The following TIMM17A variants were observed in gnomAD, a reference collection of about 807,000 sequenced individuals.
TIMM17A encodes mitochondrial import inner membrane translocase subunit Tim17-A.
A neutral mutation model predicts 26.5 loss-of-function variants in TIMM17A; 15 were observed. That is an observed-to-expected ratio of 0.57 (90% CI 0.38 to 0.87). TIMM17A has a LOEUF of 0.87. Ranked by LOEUF, TIMM17A falls within the 40% of genes least tolerant of loss-of-function variation. The pLI is 0.00. For missense variants in TIMM17A, 201 were observed against 210.0 expected, an observed-to-expected ratio of 0.96 and a Z score of 0.27; for synonymous variants, 80 against 70.8, an observed-to-expected ratio of 1.13 and a Z score of -0.66.
Position 201,963,698 on chromosome 1 carries a change from C to T in TIMM17A, c.273C>T (p.Asn91=), listed in dbSNP as rs749127111. 3.1e-6 allele frequency: 5 copies of T among 1,611,876 alleles called. No homozygotes were observed. In the African/African-American group the frequency reaches 4.0e-5, roughly 13 times the overall value. The change falls in exon 4 of 6, where the codon AAC becomes AAT. Residue 91 remains asparagine, a synonymous_variant. Coordinates refer to ENST00000367287, the MANE Select transcript of TIMM17A (RefSeq NM_006335.3). The stretch of plus-strand genomic sequence containing the variant: ...TCAGAGGAAAGGAAGATCCCTGGAA[C>T]TCCATCACAAGTGGTGCCTTAACGG... ...VQVRGKEDPW[N]SITSGALTGA... is the part of the protein sequence containing the mutation.
chr1:201,965,778 A>G (rs1395321031), intron 5 of TIMM17A, among the ~76,000 whole-genome samples: 2 of 152,226 alleles, frequency 1.3e-5, no homozygotes, highest in Admixed American at 1.3e-4. Context: ...ATCAGTGCTC[A>G]TGTCTTGCAA....
In TIMM17A at chr1:201,969,500, G is replaced by GCCTTCAACTCAGTTA; in HGVS notation, c.468_482dup (p.Thr157_Ser161dup). The GCCTTCAACTCAGTTA allele has an allele frequency of 6.2e-7, 1 of 1,613,890 alleles. No individual in the cohort carries two copies. Among genetic ancestry groups the GCCTTCAACTCAGTTA allele is most frequent in the Non-Finnish European group, 8.5e-7 (1 of 1,179,902 alleles). On this transcript the variant is annotated inframe_insertion, in exon 6 of 6. Transcript: ENST00000367287. ...AGTTTGCAGAAGACCCCTCCCAGTT[G>GCCTTCAACTCAGTTA]CCTTCAACTCAGTTACCTTCCTCAC...
chr1:201,965,951 G>C (rs1682617336), intron 5 of TIMM17A, among the ~76,000 whole-genome samples: 1 of 152,166 alleles, frequency 6.6e-6, no homozygotes, highest in South Asian at 2.1e-4. Context: ...TTCTGGTAGG[G>C]GGAGACAGAC....
At chr1:201,958,909 G>GTAA (rs1218282864) in intron 3 of TIMM17A, among the ~76,000 whole-genome samples, 1 of 152,148 alleles carries the variant, frequency 6.6e-6, no homozygotes, top group African/African-American at 2.4e-5. Context: ...GAGGGTTGAG[G>GTAA]TAATGTTGTA....
intron 3 of TIMM17A, among the ~76,000 whole-genome samples, chr1:201,961,494 T>C (rs1682528732): frequency 6.6e-6 from 1 of 152,180 alleles, no homozygotes; most frequent in Non-Finnish European, 1.5e-5. Context: ...GCCCTAGCTG[T>C]GGGCAGGGCA....
rs1682720367 is a variant in TIMM17A at position 201,970,654 on chromosome 1, CT to C, written c.*1102del. ...GTGGTAAAATATACATAAAATAATA[CT>C]TATTAACCATTTGTAAGTGTATAAT... On this transcript the variant is annotated 3_prime_UTR_variant, in exon 6 of 6. Coordinates refer to ENST00000367287, the MANE Select transcript of TIMM17A (RefSeq NM_006335.3). 6.6e-6 allele frequency: 1 copy of C among 152,182 alleles called. No individual in the cohort carries two copies. Among genetic ancestry groups the C allele is most frequent in the Admixed American group, 6.5e-5 (1 of 15,282 alleles). The allele number at this position is 152,182 out of a possible 1,614,324, so 9.4% of individuals were successfully genotyped here.
intron 5 of TIMM17A, among the ~76,000 whole-genome samples, chr1:201,966,825 G>C (rs1571607398): frequency 6.7e-6 from 1 of 149,322 alleles, no homozygotes; most frequent in African/African-American, 2.5e-5. Context: ...CTGGGCAACA[G>C]AGCAAGACTC....
chr1:201,965,351 A>G, intron 4 of TIMM17A, 82 bp from the exon 5 acceptor site: 16 of 987,378 alleles, frequency 1.6e-5, no homozygotes, highest in South Asian at 8.1e-5. Flanking sequence ...ATGTCACCAT[A>G]TGGACAGTTC....
At chr1:201,959,025 A>G (rs1258405352) in intron 3 of TIMM17A, among the ~76,000 whole-genome samples, 2 of 152,170 alleles carry the variant, frequency 1.3e-5, no homozygotes, top group Non-Finnish European at 2.9e-5. Flanking sequence ...TTCAAGAATG[A>G]TGAGTGGTAT....
chr1:201,962,010 G>A (rs1453319045), intron 3 of TIMM17A, among the ~76,000 whole-genome samples: 1 of 151,872 alleles, frequency 6.6e-6, no homozygotes, highest in African/African-American at 2.4e-5. Context: ...TCTGGCTCTG[G>A]ATCCTCACAC....
At chr1:201,962,815 T>C (rs1023723928) in intron 3 of TIMM17A, 1 of 152,234 alleles carries the variant, frequency 6.6e-6, no homozygotes, top group African/African-American at 2.4e-5. Context: ...ATGGATTGGC[T>C]TACACCTGTA....
chr1:201,956,247 CATAG>C (rs1336465956), intron 1 of TIMM17A, among the ~76,000 whole-genome samples: 1 of 152,142 alleles, frequency 6.6e-6, no homozygotes, highest in Non-Finnish European at 1.5e-5. Context: ...AAACCAGACA[CATAG>C]ATAATTATAA....
chr1:201,958,406 C>A (rs964613912), intron 3 of TIMM17A, among the ~76,000 whole-genome samples: 2 of 152,196 alleles, frequency 1.3e-5, no homozygotes, highest in Non-Finnish European at 2.9e-5. Flanking sequence ...TATTCACTTA[C>A]AAAGGTATAG....
intron 3 of TIMM17A, among the ~76,000 whole-genome samples, chr1:201,959,219 G>A (rs777062990): frequency 2.8e-4 from 42 of 152,204 alleles, no homozygotes; most frequent in Non-Finnish European, 4.9e-4. Flanking sequence ...AGCTGGGCCC[G>A]GTGGTGCATG....
rs752862246 is a variant in TIMM17A at position 201,965,300 on chromosome 1, G to A, written c.320-133G>A. ...TGGGTGGCTGTAGTTTACTGACTCTGGGTCTTAGGCAATAAGAAAGAGTTT... is the reference window on the plus strand; with the variant it reads ...TGGGTGGCTGTAGTTTACTGACTCTAGGTCTTAGGCAATAAGAAAGAGTTT... On this transcript the variant is annotated intron_variant, in intron 4 of 5. Transcript: ENST00000367287. 1.7e-5 allele frequency: 11 copies of A among 648,004 alleles called. No homozygotes were observed. In the South Asian group the frequency reaches 1.9e-4, roughly 11 times the overall value. 40.1% of individuals were successfully genotyped at this position (648,004 alleles called of 1,614,324 possible). A position where few individuals can be genotyped will look rare whatever the true frequency, so the allele number is the denominator to read the frequency against.
At chr1:201,961,624 GGA>G (rs1207586304) in intron 3 of TIMM17A, among the ~76,000 whole-genome samples, 1 of 152,130 alleles carries the variant, frequency 6.6e-6, no homozygotes, top group Non-Finnish European at 1.5e-5. Context: ...GGCCAAGGCA[GGA>G]GAATGGCTTG....
In TIMM17A at chr1:201,958,137, C is replaced by CA. The variant is rs796950075; in HGVS notation, c.190+574dup. The CA allele has an allele frequency of 9.9e-3, 1,410 of 142,172 alleles. 21 individuals carry two copies. The highest frequency in any genetic ancestry group is 0.028 in the African/African-American group (1,102 of 38,894). The allele number at this position is 142,172 out of a possible 1,614,324, so 8.8% of individuals were successfully genotyped here. A position where few individuals can be genotyped will look rare whatever the true frequency, so the allele number is the denominator to read the frequency against. On this transcript the variant is annotated intron_variant, in intron 3 of 5. Transcript: ENST00000367287. The stretch of plus-strand genomic sequence containing the variant: ...GGGCAACAAGAGCGAAACTCCGTCT[C>CA]AAAAAAAAAAACCTCAGGTTCGTGA...
intron 3 of TIMM17A, among the ~76,000 whole-genome samples, chr1:201,961,896 A>G (rs1035261061): frequency 6.6e-6 from 1 of 151,766 alleles, no homozygotes; most frequent in African/African-American, 2.4e-5. Flanking sequence ...TTGTCAGAGT[A>G]TACTCTGACA....
intron 5 of TIMM17A, among the ~76,000 whole-genome samples, chr1:201,967,037 G>A (rs4950802): frequency 0.79 from 113,761 of 144,438 alleles, 45,052 homozygotes; most frequent in Non-Finnish European, 0.83. Context: ...AGTGAGGATA[G>A]TAGTAGTGAA....
Sources: gnomAD v4.1 joint callset for allele counts (sites outside exome capture counted in the v4.1 genomes callset) on GRCh38, gnomAD v4.1.1 for gene constraint, MANE v1.5 for transcripts, NCBI Gene and HGNC (gene_info 2026-07-23, HGNC 2026-07-21) for gene names.